ROBO4: variants seen among roughly 807,000 people sequenced by gnomAD.
ROBO4 encodes roundabout guidance receptor 4.
In ROBO4, 80 loss-of-function variants were observed where a neutral mutation model predicts 103.3. The observed-to-expected ratio is 0.77, with a 90% CI of 0.65 to 0.93. The LOEUF (loss-of-function observed/expected upper bound fraction) is 0.93. Among genes scored for constraint, ROBO4 ranks in the 40% least tolerant of loss-of-function variants. The pLI, the probability that ROBO4 is intolerant of heterozygous loss-of-function variation, is 0.00. For synonymous variants in ROBO4, 504 were observed against 529.7 expected (o/e 0.95, Z 0.67); for missense variants, 1,333 against 1,305.3 (o/e 1.02, Z -0.33).
Position 124,886,702 on chromosome 11 carries a change from CT to C in ROBO4, c.2555del (p.Lys852ArgfsTer22). ...MGRTGGGVGP[K>X]GGVLLCPPRP... is the part of the protein sequence containing the mutation. ...GAGGTGGGCACAGCAAGACTCCCCC[CT>C]TGGGCCCCACCCCTCCTCCAGTCCT... On this transcript the variant is annotated frameshift_variant, in exon 16 of 18. Transcript: ENST00000306534. LOFTEE classifies it high-confidence loss of function. 6.2e-7 allele frequency: 1 copy of C among 1,608,992 alleles called. No homozygotes were observed. Among genetic ancestry groups the C allele is most frequent in the Non-Finnish European group, 8.5e-7 (1 of 1,176,200 alleles).
chr11:124,887,280 C>G (rs990696314), intron 14 of ROBO4, 67 bp from the exon 15 acceptor site: 81 of 1,603,734 alleles, frequency 5.1e-5, no homozygotes, highest in Non-Finnish European at 6.3e-5. Context: ...CCCCCCTTCC[C>G]CAGCCTGTCC....
chr11:124,896,605 G>C lies in ROBO4; in HGVS notation c.466C>G (p.Leu156Val). ...MVAVVGEQFTLECGPPWGHPE... is the reference protein window; with the variant it reads ...MVAVVGEQFTVECGPPWGHPE... ...TGGCCCCAGGGCGGCCCACATTCCA[G>C]AGTAAACTGCTCACCCACCACAGCC... The change falls in exon 3 of 18, where the codon CTG (leucine) becomes GTG (valine). Residue 156 changes from leucine (L) to valine (V), a missense_variant. By Grantham distance (32) the Leu-to-Val change is conservative. Coordinates refer to ENST00000306534, the MANE Select transcript of ROBO4 (RefSeq NM_019055.6). 6.2e-7 allele frequency: 1 copy of C among 1,614,166 alleles called. No homozygotes were observed. Among genetic ancestry groups the C allele is most frequent in the Non-Finnish European group, 8.5e-7 (1 of 1,180,014 alleles).
At chr11:124,896,711 C>A (rs1317248296) in intron 2 of ROBO4, 41 bp from the exon 3 acceptor site, 1 of 1,598,866 alleles carries the variant, frequency 6.3e-7, no homozygotes, top group Admixed American at 1.7e-5. Context: ...AGGGCCCAGG[C>A]CTCTTCTCTC....
In ROBO4 at chr11:124,896,191, C is replaced by T. The variant is rs1946886762; in HGVS notation, c.679+7G>A. 1 of 1,613,442 alleles carries T rather than the reference C, an allele frequency of 6.2e-7. No individual in the cohort carries two copies. The highest frequency in any genetic ancestry group is 8.5e-7 in the Non-Finnish European group (1 of 1,179,788). ...TGGCTCTGATTGTAGCCCACCCCTG[C>T]CCTTACCCTGGATGGAAACCCGGGC... On this transcript the variant is annotated splice_region_variant and intron_variant, in intron 4 of 17. Transcript: ENST00000306534.
At position 124,891,974 on chromosome 11, in the gene ROBO4, C is replaced by T. The variant is rs184533063; in HGVS notation, c.1548-172G>A. ...CTCCTTAAGATCTCTGACCTGGTCC[C>T]CTAAACCCAGCACCCCTTTCTTATT... is the stretch of plus-strand genomic sequence containing the variant. On this transcript the variant is annotated intron_variant, in intron 10 of 17. Transcript: ENST00000306534. The T allele has an allele frequency of 2.1e-5, 17 of 806,478 alleles. No homozygotes were observed. In the East Asian group the frequency reaches 3.2e-4, roughly 15 times the overall value. 50.0% of individuals were successfully genotyped at this position (806,478 alleles called of 1,614,324 possible). A position where few individuals can be genotyped will look rare whatever the true frequency, so the allele number is the denominator to read the frequency against.
chr11:124,886,948 G>A, intron 15 of ROBO4, 29 bp downstream of exon 15: 1 of 1,584,432 alleles, frequency 6.3e-7, no homozygotes, highest in Non-Finnish European at 8.6e-7. Flanking sequence ...CTTTTCTGTA[G>A]TTCTTTGGTT....
intron 10 of ROBO4, chr11:124,892,259 G>C (rs1946811887): frequency 5.7e-6 from 2 of 348,040 alleles, no homozygotes; most frequent in Non-Finnish European, 5.7e-6. Context: ...GAGGAAATGT[G>C]AGATCACTCA....
Position 124,887,833 on chromosome 11 carries a change from C to T in ROBO4, c.1956G>A (p.Gln652=), listed in dbSNP as rs746282574. 3.7e-6 allele frequency: 6 copies of T among 1,612,382 alleles called. No homozygotes were observed. Among genetic ancestry groups the T allele is most frequent in the Non-Finnish European group, 5.1e-6 (6 of 1,179,462 alleles). ...AWKAKKKQEL[Q]HANSSPLLRG... ...GGAGCAGTGGGGAACTGTTGGCATG[C>T]TGCAGCTCTGCAAAGAAAGGGTTGG... The change falls in exon 13 of 18, where the codon CAG becomes CAA. Residue 652 remains glutamine (Q), a synonymous_variant. Coordinates refer to ENST00000306534, the MANE Select transcript of ROBO4 (RefSeq NM_019055.6).
chr11:124,891,241 C>A, intron 12 of ROBO4, 58 bp downstream of exon 12: 2 of 1,495,550 alleles, frequency 1.3e-6, no homozygotes, highest in Non-Finnish European at 1.8e-6. Flanking sequence ...CCATCACATT[C>A]CCATTCCTGG....
Position 124,895,878 on chromosome 11 carries a change from C to G in ROBO4, c.714G>C (p.Leu238=). The G allele has an allele frequency of 6.2e-7, 1 of 1,614,060 alleles. No individual in the cohort carries two copies. Among genetic ancestry groups the G allele is most frequent in the South Asian group, 1.1e-5 (1 of 91,076 alleles). ...PQDYTEPVEL[L]AVRIQLENVT... is the part of the protein sequence containing the mutation. ...CATTTTCCAGCTGAATTCGCACAGCCAGAAGCTCCACAGGCTCCGTGTAGT... is the reference window on the plus strand; with the variant it reads ...CATTTTCCAGCTGAATTCGCACAGCGAGAAGCTCCACAGGCTCCGTGTAGT... The change falls in exon 5 of 18, where the codon CTG becomes CTC. Residue 238 remains leucine, a synonymous_variant. Transcript: ENST00000306534.
In ROBO4 at chr11:124,893,736, A is replaced by C. The variant is rs1434817652; in HGVS notation, c.1505-6T>G. On this transcript the variant is annotated splice_region_variant and splice_polypyrimidine_tract_variant and intron_variant, in intron 9 of 17. Transcript: ENST00000306534. ...ACTGGTATATCTGTACAGACCTGGG[A>C]GAAGGCAGGAGGAAAGCTAAATCCA... The C allele has an allele frequency of 6.2e-7, 1 of 1,613,856 alleles. No individual in the cohort carries two copies. Among genetic ancestry groups the C allele is most frequent in the Admixed American group, 1.7e-5 (1 of 60,016 alleles).
intron 10 of ROBO4, 21 bp from the exon 11 acceptor site, chr11:124,891,823 G>A (rs1256872347): frequency 1.2e-6 from 2 of 1,613,304 alleles, no homozygotes; most frequent in Non-Finnish European, 1.7e-6. Context: ...GGAGGGAGGG[G>A]GTGAGGCCAG....
intron 9 of ROBO4, 50 bp downstream of exon 9, chr11:124,893,810 C>A (rs1233311230): frequency 1.2e-6 from 2 of 1,613,200 alleles, no homozygotes; most frequent in East Asian, 4.5e-5. Context: ...ACCATTCTGG[C>A]TGGATGCTGA....
At position 124,895,107 on chromosome 11, in the gene ROBO4, G is replaced by A. The variant is rs759234070; in HGVS notation, c.1123C>T (p.His375Tyr). ...VSWVPPPAEN[H>Y]NGIIRGYQVW... is the part of the protein sequence containing the mutation. ...TGGTAGCCACGGATGATGCCATTGT[G>A]GTTTTCAGCAGGTGGTGGGACCCAG... The change falls in exon 7 of 18, where the codon CAC becomes TAC. Residue 375 changes from histidine (H) to tyrosine (Y), a missense_variant. By Grantham distance (83) the His-to-Tyr change is moderately conservative. Coordinates refer to ENST00000306534, the MANE Select transcript of ROBO4 (RefSeq NM_019055.6). 6.2e-7 allele frequency: 1 copy of A among 1,614,052 alleles called. No individual in the cohort carries two copies. Among genetic ancestry groups the A allele is most frequent in the Non-Finnish European group, 8.5e-7 (1 of 1,179,916 alleles).
chr11:124,883,992 T>C lies in ROBO4; in HGVS notation c.*899A>G, dbSNP rs749042176. ...TTATCTTGAGGAGGTGGATTTAATA[T>C]AAGTTGCCAGGACCAGCAGACCCTG... On this transcript the variant is annotated 3_prime_UTR_variant, in exon 18 of 18. Coordinates refer to ENST00000306534, the MANE Select transcript of ROBO4 (RefSeq NM_019055.6). The C allele has an allele frequency of 1.3e-5, 2 of 152,140 alleles. No homozygotes were observed. Among genetic ancestry groups the C allele is most frequent in the African/African-American group, 2.4e-5 (1 of 41,436 alleles). The allele number at this position is 152,140 out of a possible 1,614,324, so 9.4% of individuals were successfully genotyped here. A position where few individuals can be genotyped will look rare whatever the true frequency, so the allele number is the denominator to read the frequency against.
At chr11:124,892,235 G>T (rs562521452) in intron 10 of ROBO4, 1 of 359,452 alleles carries the variant, frequency 2.8e-6, no homozygotes, top group Admixed American at 3.7e-5. Flanking sequence ...AAGACTGATG[G>T]TCTGGGTTTA....
chr11:124,886,020 C>T (rs760018768), intron 16 of ROBO4, among the ~76,000 whole-genome samples: 2 of 152,134 alleles, frequency 1.3e-5, no homozygotes, highest in Non-Finnish European at 2.9e-5. Flanking sequence ...GAAACCCCGT[C>T]TCTACTAAAA....
rs1946714706 is a variant in ROBO4 at position 124,886,532 on chromosome 11, G to A, written c.2726C>T (p.Ala909Val). Residue 909 changes from alanine (A) to valine (V), a missense_variant, in exon 16 of 18, where the codon GCC becomes GTC. Transcript: ENST00000306534. ...AAAGCTATCCACAGCCACTGCCAGG[G>A]CCCGGGCAAAGTGAGCATCAGCGAG... ...SFLADAHFAR[A>V]LAVAVDSFGF... 6.2e-7 allele frequency: 1 copy of A among 1,614,234 alleles called. No individual in the cohort carries two copies. The highest frequency in any genetic ancestry group is 8.5e-7 in the Non-Finnish European group (1 of 1,180,042).
At chr11:124,885,371 C>G in intron 16 of ROBO4, 124 bp from the exon 17 acceptor site, 1 of 711,682 alleles carries the variant, frequency 1.4e-6, no homozygotes, top group African/African-American at 1.8e-5. Context: ...CTAACCCCAA[C>G]TCAGCCCATC....
Sources: allele counts gnomAD v4.1 joint callset (sites outside exome capture counted in the v4.1 genomes callset), GRCh38; gene constraint gnomAD v4.1.1; transcripts MANE v1.5; gene names NCBI Gene and HGNC (gene_info 2026-07-23, HGNC 2026-07-21).